MAP4K5: variants seen among roughly 807,000 people sequenced by gnomAD.
MAP4K5 encodes the protein mitogen-activated protein kinase kinase kinase kinase 5, also known as MAPK/ERK kinase kinase kinase 5.
In MAP4K5, 82 loss-of-function variants were observed where a neutral mutation model predicts 135.6. That is an observed-to-expected ratio of 0.60 (90% CI 0.51 to 0.73). The LOEUF (loss-of-function observed/expected upper bound fraction) is 0.73, where lower values mean the gene tolerates loss of function less well. Ranked by LOEUF, MAP4K5 falls within the 30% of genes least tolerant of loss-of-function variation. The pLI, the probability that MAP4K5 is intolerant of heterozygous loss-of-function variation, is 0.00. For synonymous variants in MAP4K5, 347 were observed against 335.0 expected, an observed-to-expected ratio of 1.04 and a Z score of -0.39; for missense variants, 907 against 1,010.9, an observed-to-expected ratio of 0.90 and a Z score of 1.39.
intron 2 of MAP4K5, among the ~76,000 whole-genome samples, chr14:50,511,394 A>G (rs755943819): frequency 2.0e-5 from 3 of 152,174 alleles, no homozygotes; most frequent in Non-Finnish European, 4.4e-5. Flanking sequence ...AGAGAATACT[A>G]GAGGCTGAGA....
chr14:50,516,281 A>G (rs181865574), intron 2 of MAP4K5, among the ~76,000 whole-genome samples: 3 of 152,374 alleles, frequency 2.0e-5, no homozygotes, highest in Admixed American at 1.3e-4. Context: ...TACTGAGATG[A>G]CAAACATAGG....
chr14:50,487,595 A>G (rs578011831), intron 3 of MAP4K5, among the ~76,000 whole-genome samples: 6 of 152,360 alleles, frequency 3.9e-5, no homozygotes, highest in East Asian at 3.9e-4. Context: ...TACCTTAAAC[A>G]TAAGTGTACG....
chr14:50,426,918 T>C (rs1052247018), intron 30 of MAP4K5, among the ~76,000 whole-genome samples: 9 of 152,122 alleles, frequency 5.9e-5, no homozygotes, highest in African/African-American at 1.9e-4. Context: ...AAATTAACTG[T>C]TTTATTAGAC....
At chr14:50,457,698 G>C (rs576609746) in intron 13 of MAP4K5, among the ~76,000 whole-genome samples, 1 of 152,156 alleles carries the variant, frequency 6.6e-6, no homozygotes, top group South Asian at 2.1e-4. Context: ...TCTAACACAT[G>C]AATTTCCTCT....
chr14:50,498,550 A>G (rs2037641910), intron 3 of MAP4K5, among the ~76,000 whole-genome samples: 1 of 152,112 alleles, frequency 6.6e-6, no homozygotes, highest in Non-Finnish European at 1.5e-5. Flanking sequence ...TTACTGTAGC[A>G]TTTTTTTGAC....
chr14:50,458,271 T>C (rs2036633682), intron 13 of MAP4K5, among the ~76,000 whole-genome samples: 1 of 152,186 alleles, frequency 6.6e-6, no homozygotes, highest in Non-Finnish European at 1.5e-5. Context: ...TGCTTCCTTC[T>C]CATGGACTCT....
At chr14:50,477,284 T>C (rs1359630541) in intron 6 of MAP4K5, among the ~76,000 whole-genome samples, 1 of 152,222 alleles carries the variant, frequency 6.6e-6, no homozygotes, top group African/African-American at 2.4e-5. Context: ...CCGTTGCTAG[T>C]ATATATAAAT....
intron 3 of MAP4K5, among the ~76,000 whole-genome samples, chr14:50,500,570 T>A (rs1222272268): frequency 6.6e-6 from 1 of 152,166 alleles, no homozygotes; most frequent in Non-Finnish European, 1.5e-5. Flanking sequence ...TTTTCTAAGT[T>A]GATATGAAAG....
At chr14:50,432,416 G>T (rs1392645235) in intron 28 of MAP4K5, among the ~76,000 whole-genome samples, 8 of 152,174 alleles carry the variant, frequency 5.3e-5, no homozygotes, top group Admixed American at 2.0e-4. Context: ...CCCTCAGGAA[G>T]TAATCTGGGT....
intron 26 of MAP4K5, among the ~76,000 whole-genome samples, chr14:50,437,013 C>T (rs113314473): frequency 2.2e-4 from 34 of 152,140 alleles, no homozygotes; most frequent in African/African-American, 7.0e-4. Context: ...CTTCCAGTTC[C>T]GTGATACCTT....
At chr14:50,420,945 C>A (rs1595408485) in intron 32 of MAP4K5, among the ~76,000 whole-genome samples, 1 of 148,564 alleles carries the variant, frequency 6.7e-6, no homozygotes, top group Non-Finnish European at 1.5e-5. Flanking sequence ...AGTTTGAGAA[C>A]AAAATAAAAA....
intron 1 of MAP4K5, among the ~76,000 whole-genome samples, chr14:50,555,132 C>A (rs2038749777): frequency 6.6e-6 from 1 of 152,222 alleles, no homozygotes; most frequent in African/African-American, 2.4e-5. Flanking sequence ...ATATTCACTT[C>A]TTCCCTTTTA....
chr14:50,546,524 G>A (rs1603013), intron 1 of MAP4K5, among the ~76,000 whole-genome samples: 151,409 of 152,346 alleles, frequency 0.99, 75,249 homozygotes, highest in Middle Eastern at 1. Flanking sequence ...TTTTAAGTTT[G>A]TGTAAATTTA....
At chr14:50,520,194 C>T (rs1285155863) in intron 2 of MAP4K5, among the ~76,000 whole-genome samples, 5 of 151,842 alleles carry the variant, frequency 3.3e-5, no homozygotes, top group Non-Finnish European at 5.9e-5. Context: ...GAAACCCTGT[C>T]TCTATTAAAA....
chr14:50,480,294 A>C (rs2037208388), intron 6 of MAP4K5, among the ~76,000 whole-genome samples: 2 of 152,068 alleles, frequency 1.3e-5, no homozygotes, highest in Admixed American at 6.6e-5. Context: ...TTATCCTTTG[A>C]GTTACAAGCA....
intron 3 of MAP4K5, among the ~76,000 whole-genome samples, chr14:50,487,582 G>C (rs1265431648): frequency 2.0e-5 from 3 of 152,100 alleles, no homozygotes; most frequent in Non-Finnish European, 2.9e-5. Context: ...AAATGGTTAC[G>C]TATACCTTAA....
chr14:50,448,590 T>C lies in MAP4K5; in HGVS notation c.1074+184A>G, dbSNP rs182419917. 7.0e-4 allele frequency among the ~76,000 whole-genome samples: 107 copies of C among 152,162 alleles called. 1 individual carries two copies. Among genetic ancestry groups the C allele is most frequent in the African/African-American group, 2.4e-3 (100 of 41,562 alleles). On this transcript the variant is annotated intron_variant, in intron 15 of 32. Transcript: ENST00000682126. ...AAAATGAATGATTGAAATAGTGTAT[T>C]ACATCGTACTCTAGTAAAAATAAAA...
chr14:50,553,826 T>C (rs1052945585), intron 1 of MAP4K5, among the ~76,000 whole-genome samples: 1 of 152,192 alleles, frequency 6.6e-6, no homozygotes. Flanking sequence ...TTGGAGGCCA[T>C]TATTCTAAGT....
chr14:50,462,674 A>G lies in MAP4K5; in HGVS notation c.927T>C (p.Asp309=), dbSNP rs1238434110. Residue 309 remains aspartate, a synonymous_variant, in exon 13 of 33, where the codon GAT becomes GAC. Coordinates refer to ENST00000682126, the MANE Select transcript of MAP4K5 (RefSeq NM_006575.6). ...NHAHYTEADD[D]DFEPHAIIRH... is the part of the protein sequence containing the mutation. ...GCAAACACTTCCTTACCTCAAAGTC[A>G]TCGTCATCTGCTTCAGTGTAATGTG... is the stretch of plus-strand genomic sequence containing the variant. The G allele has an allele frequency of 5.0e-6, 8 of 1,600,844 alleles. No individual in the cohort carries two copies. The African/African-American group carries it at 8.1e-5, about 16-fold the overall frequency.
Sources: gnomAD v4.1 joint callset for allele counts (sites outside exome capture counted in the v4.1 genomes callset) on GRCh38, gnomAD v4.1.1 for gene constraint, MANE v1.5 for transcripts, NCBI Gene and HGNC (gene_info 2026-07-23, HGNC 2026-07-21) for gene names.